NHSL1: variants seen among roughly 807,000 people sequenced by gnomAD.
NHSL1 encodes the protein NHS-like protein 1.
Under a neutral mutation model 95.0 loss-of-function variants are expected in NHSL1, and 48 were observed. The observed-to-expected ratio is 0.51, with a 90% confidence interval of 0.40 to 0.64. The LOEUF is 0.64. NHSL1 is among the 30% of genes least tolerant of loss of function. The pLI, the probability that NHSL1 is intolerant of heterozygous loss-of-function variation, is 0.00. For synonymous variants in NHSL1, 783 were observed against 833.9 expected (o/e 0.94, Z 1.05); for missense variants, 1,971 against 2,077.7 (o/e 0.95, Z 1.00).
chr6:138,499,564 A>G (rs1283490814), upstream of NHSL1: 9 of 473,328 alleles, frequency 1.9e-5, no homozygotes, highest in Non-Finnish European at 2.9e-5. Context: ...TGAAAGAAAG[A>G]GAAAGCCAAT....
chr6:138,481,966 T>C (rs951427260), intron 2 of NHSL1, among the ~76,000 whole-genome samples: 2 of 152,182 alleles, frequency 1.3e-5, no homozygotes, highest in African/African-American at 4.8e-5. Context: ...TTCTAAAAGT[T>C]CTAAAAGTAA....
chr6:138,484,523 A>T (rs933051271), intron 2 of NHSL1, among the ~76,000 whole-genome samples: 1 of 152,224 alleles, frequency 6.6e-6, no homozygotes, highest in Non-Finnish European at 1.5e-5. Context: ...AATTGTGGTC[A>T]TCGGCTCAAC....
At chr6:138,550,782 T>A (rs1029491850) in intron 1 of NHSL1, among the ~76,000 whole-genome samples, 1 of 152,222 alleles carries the variant, frequency 6.6e-6, no homozygotes, top group African/African-American at 2.4e-5. Context: ...AGCTCAAAAT[T>A]TGACTTCATT....
At position 138,431,681 on chromosome 6, in the gene NHSL1, C is replaced by A; in HGVS notation, c.2664G>T (p.Arg888Ser). 1 of 1,551,716 alleles carries A rather than the reference C, an allele frequency of 6.4e-7. No homozygotes were observed. Among genetic ancestry groups the A allele is most frequent in the Middle Eastern group, 1.7e-4 (1 of 5,992 alleles). Reference protein sequence around the residue: ...KGKPKPKVPERKSSLISSVSI... With the variant: ...KGKPKPKVPESKSSLISSVSI... ...ATACTGAAGATATCAGAGAGGACTT[C>A]CTTTCTGGTACCTTGGGCTTGGGCT... Residue 888 changes from arginine (R) to serine (S), a missense_variant, in exon 6 of 8, where the codon AGG (arginine) becomes AGT (serine). This residue lies in a region of NHSL1 where 1,602 missense variants were observed against 1,654.5 expected (regional missense o/e 0.97). Coordinates refer to ENST00000343505, the MANE Select transcript of NHSL1 (RefSeq NM_001144060.2). This position sits in a 1 kb window ranked among gnomAD's most constrained non-coding sequence, Gnocchi z 4.0.
At chr6:138,584,483 G>T (rs1448787605) in intron 1 of NHSL1, among the ~76,000 whole-genome samples, 1 of 152,196 alleles carries the variant, frequency 6.6e-6, no homozygotes, top group Non-Finnish European at 1.5e-5. Flanking sequence ...AAGTAGAAGG[G>T]CTATTTAGTG....
intron 3 of NHSL1, among the ~76,000 whole-genome samples, chr6:138,454,919 A>G (rs990493667): frequency 6.6e-6 from 1 of 152,202 alleles, no homozygotes; most frequent in Non-Finnish European, 1.5e-5. Context: ...CATACTGGAA[A>G]CACAGAGATC....
At chr6:138,585,575 T>C (rs1371857897) in intron 1 of NHSL1, among the ~76,000 whole-genome samples, 1 of 152,056 alleles carries the variant, frequency 6.6e-6, no homozygotes, top group East Asian at 1.9e-4. Context: ...CCAAATTTGG[T>C]CAAACTTCTC....
chr6:138,657,890 A>G (rs904779248), intron 1 of NHSL1, among the ~76,000 whole-genome samples: 2 of 150,410 alleles, frequency 1.3e-5, no homozygotes, highest in African/African-American at 4.8e-5. Flanking sequence ...CTGCCAAAAA[A>G]AGTTTTAAGA....
chr6:138,521,660 A>G (rs1781688501), intron 1 of NHSL1, among the ~76,000 whole-genome samples: 1 of 152,166 alleles, frequency 6.6e-6, no homozygotes, highest in African/African-American at 2.4e-5. Context: ...AGAGGAATCA[A>G]AGAGGATTAG....
upstream of NHSL1, among the ~76,000 whole-genome samples, chr6:138,549,541 G>C (rs1201394309): frequency 2.6e-5 from 4 of 152,276 alleles, no homozygotes; most frequent in Admixed American, 6.5e-5. Context: ...GCCTCTGGTG[G>C]GAGCAGGACT....
At chr6:138,449,052 C>CAAAAAAAAAAAAAA (rs545496586) in intron 3 of NHSL1, among the ~76,000 whole-genome samples, 1 of 88,440 alleles carries the variant, frequency 1.1e-5, no homozygotes, top group Admixed American at 1.1e-4. Context: ...AATTCTGTCT[C>CAAAAAAAAAAAAAA]AAAAAAAAAA....
At chr6:138,684,409 A>G (rs1441054304) in intron 1 of NHSL1, among the ~76,000 whole-genome samples, 1 of 152,086 alleles carries the variant, frequency 6.6e-6, no homozygotes, top group Non-Finnish European at 1.5e-5. Context: ...GCACTTTGGG[A>G]GGCCAAGGCG....
chr6:138,429,565 GAAACCCACTA>G (rs760570370), intron 7 of NHSL1, 136 bp downstream of exon 7: 41 of 710,418 alleles, frequency 5.8e-5, no homozygotes, highest in Non-Finnish European at 8.2e-5. Context: ...TAAAACTGTA[GAAACCCACTA>G]AAAAATCAAC....
In NHSL1 at chr6:138,517,524, C is replaced by T. The variant is rs141893038; in HGVS notation, c.17-21153G>A. On this transcript the variant is annotated intron_variant, in intron 1 of 4. Transcript: ENST00000342260. The stretch of plus-strand genomic sequence containing the variant: ...CCACTATCAGTATTTAGGGAAAGAA[C>T]ATCAGATTACTGAAACAAGACAGCC... Among the ~76,000 whole-genome samples the T allele has an allele frequency of 6.3e-3, 953 of 152,252 alleles. 23 individuals carry two copies. Among genetic ancestry groups the T allele is most frequent in the Admixed American group, 0.048 (738 of 15,294 alleles).
At chr6:138,587,363 C>G (rs1784152979) in intron 1 of NHSL1, among the ~76,000 whole-genome samples, 2 of 151,386 alleles carry the variant, frequency 1.3e-5, no homozygotes, top group African/African-American at 4.8e-5. Context: ...GGGTGGATCA[C>G]CTGAGGTCAG....
intron 1 of NHSL1, among the ~76,000 whole-genome samples, chr6:138,585,853 G>A (rs764964791): frequency 1.3e-5 from 2 of 151,484 alleles, no homozygotes; most frequent in Non-Finnish European, 2.9e-5. Context: ...TCAAGACCAG[G>A]GAAACACGGC....
At chr6:138,485,191 T>G (rs994000296) in intron 2 of NHSL1, among the ~76,000 whole-genome samples, 1 of 152,182 alleles carries the variant, frequency 6.6e-6, no homozygotes, top group Non-Finnish European at 1.5e-5. Context: ...TTCGGTTGTA[T>G]CGTGAATGAT....
intron 1 of NHSL1, among the ~76,000 whole-genome samples, chr6:138,618,684 T>C (rs1784613873): frequency 6.6e-6 from 1 of 152,184 alleles, no homozygotes. Context: ...AAGAATATTT[T>C]CCCTTCTTCT....
chr6:138,613,212 G>A, intron 1 of NHSL1, among the ~76,000 whole-genome samples: 1 of 152,166 alleles, frequency 6.6e-6, no homozygotes, highest in South Asian at 2.1e-4. Context: ...CTATAACAAA[G>A]CCCAAGCCAA....
Sources: allele counts gnomAD v4.1 joint callset (sites outside exome capture counted in the v4.1 genomes callset), GRCh38; gene constraint gnomAD v4.1.1; regional missense constraint gnomAD v4.1.1; non-coding constraint Gnocchi (gnomAD v3.1); transcripts MANE v1.5; gene names NCBI Gene and HGNC (gene_info 2026-07-23, HGNC 2026-07-21).